The following SYNRG variants were observed in gnomAD, a reference collection of about 807,000 sequenced individuals.
SYNRG encodes synergin gamma.
SYNRG carries 37 observed loss-of-function variants against 130.9 expected under a neutral mutation model. The ratio of observed to expected loss-of-function variants is 0.28; its 90% CI spans 0.22 to 0.37. The LOEUF is 0.37. SYNRG is among the 10% of genes least tolerant of loss of function. The pLI, the probability that SYNRG is intolerant of heterozygous loss-of-function variation, is 1.00. For synonymous variants in SYNRG, 539 were observed against 568.1 expected (o/e 0.95, Z 0.73); for missense variants, 1,338 against 1,588.9 (o/e 0.84, Z 2.68).
chr17:37,520,090 C>G lies in SYNRG; in HGVS notation c.3813+89G>C. ...TGAAGGATTCATGATTGGAACAGTT[C>G]AGGATGGCAATGGATAGAATCATCC... On this transcript the variant is annotated intron_variant, in intron 21 of 21. Transcript: ENST00000612223. The G allele has an allele frequency of 3.5e-6, 5 of 1,410,508 alleles. No individual in the cohort carries two copies. The South Asian group carries it at 5.8e-5, about 16-fold the overall frequency. The allele number at this position is 1,410,508 out of a possible 1,614,324, so 87.4% of individuals were successfully genotyped here.
intron 19 of SYNRG, among the ~76,000 whole-genome samples, chr17:37,524,803 G>A (rs984072090): frequency 6.6e-6 from 1 of 152,158 alleles, no homozygotes; most frequent in Non-Finnish European, 1.5e-5. Context: ...TCACTTTGAC[G>A]AACTCTTAGC....
At chr17:37,568,649 T>C in intron 11 of SYNRG, 142 bp downstream of exon 11, 4 of 898,776 alleles carry the variant, frequency 4.5e-6, no homozygotes, top group Non-Finnish European at 6.5e-6. Context: ...AAAGTAAAAG[T>C]ATTAATACAG....
intron 6 of SYNRG, among the ~76,000 whole-genome samples, chr17:37,580,510 T>TGTGTGTGTGTGTGTGTGTGTGTGAGA (rs1384344164): frequency 1.6e-5 from 2 of 127,718 alleles, no homozygotes; most frequent in African/African-American, 7.3e-5. Context: ...TGTGTGTGTG[T>TGTGTGTGTGTGTGTGTGTGTGTGAGA]GAGAGAGAGA....
At chr17:37,598,524 A>G (rs575308230) in intron 2 of SYNRG, among the ~76,000 whole-genome samples, 17 of 152,364 alleles carry the variant, frequency 1.1e-4, no homozygotes, top group Non-Finnish European at 1.9e-4. Context: ...GATATCTGGC[A>G]TAATATTTCA....
In SYNRG at chr17:37,543,342, AAAAG is replaced by A. The variant is rs373999480; in HGVS notation, c.2609-781_2609-778del. ...TTTTTTAAAAAAAAAGGAAAGAAGA[AAAAG>A]AAAGAACTGCTGGGGCAGACGACTG... On this transcript the variant is annotated intron_variant, in intron 14 of 21. Coordinates refer to ENST00000612223, the MANE Select transcript of SYNRG (RefSeq NM_007247.6). Among the ~76,000 whole-genome samples, 148 of 152,308 alleles carry A rather than the reference AAAAG, an allele frequency of 9.7e-4. No individual in the cohort carries two copies. The Middle Eastern group carries it at 0.01, about 11-fold the overall frequency.
rs2060186524 is a variant in SYNRG, at chr17:37,568,727, C to T, written c.1481+64G>A. ...TTTAAATTTCTCACACCTAGCCTTC[C>T]TATTATGGATGCCTCTTTCTTAATG... On this transcript the variant is annotated intron_variant, in intron 11 of 21. Coordinates refer to ENST00000612223, the MANE Select transcript of SYNRG (RefSeq NM_007247.6). 7 of 1,563,806 alleles carry T rather than the reference C, an allele frequency of 4.5e-6. No homozygotes were observed. The Admixed American group carries it at 7.4e-5, about 16-fold the overall frequency.
At chr17:37,546,814 G>C (rs1351276715) in intron 14 of SYNRG, among the ~76,000 whole-genome samples, 1 of 152,140 alleles carries the variant, frequency 6.6e-6, no homozygotes, top group Admixed American at 6.5e-5. Context: ...ATTGGACTAA[G>C]ATATATATTT....
rs879223613 is a variant in SYNRG at position 37,535,928 on chromosome 17, A to G, written c.3666+51T>C. The G allele has an allele frequency of 4.4e-6, 7 of 1,607,670 alleles. No individual in the cohort carries two copies. In the South Asian group the frequency reaches 6.6e-5, roughly 15 times the overall value. ...ATAGGAATATACACTCTGCTTTACAACTTAGGTTTCTGGAAAGGAAAGCAA... is the reference window on the plus strand; with the variant it reads ...ATAGGAATATACACTCTGCTTTACAGCTTAGGTTTCTGGAAAGGAAAGCAA... On this transcript the variant is annotated intron_variant, in intron 19 of 21. Coordinates refer to ENST00000612223, the MANE Select transcript of SYNRG (RefSeq NM_007247.6).
At chr17:37,538,621 A>ACTTTGCTTT (rs1322701848) in intron 17 of SYNRG, among the ~76,000 whole-genome samples, 1 of 152,246 alleles carries the variant, frequency 6.6e-6, no homozygotes, top group Non-Finnish European at 1.5e-5. Context: ...TTTGAGACGG[A>ACTTTGCTTT]GTCTCGCTCT....
At chr17:37,538,936 A>C in intron 17 of SYNRG, 13 of 691,316 alleles carry the variant, frequency 1.9e-5, no homozygotes, top group Non-Finnish European at 2.1e-5. Flanking sequence ...ATTTAGTCAG[A>C]GTTAATGAAA....
chr17:37,604,265 A>G (rs1446420992), intron 1 of SYNRG, among the ~76,000 whole-genome samples: 1 of 151,106 alleles, frequency 6.6e-6, no homozygotes, highest in African/African-American at 2.4e-5. Flanking sequence ...AAGAAAATCT[A>G]TTGTTTAGCG....
chr17:37,572,449 A>C (rs1185525317), intron 8 of SYNRG, among the ~76,000 whole-genome samples: 2 of 152,176 alleles, frequency 1.3e-5, no homozygotes, highest in Admixed American at 6.5e-5. Context: ...AAAGAAAAAA[A>C]AATTTGAGAT....
At chr17:37,588,562 C>T (rs2061883743) in intron 3 of SYNRG, among the ~76,000 whole-genome samples, 2 of 152,198 alleles carry the variant, frequency 1.3e-5, no homozygotes, top group South Asian at 4.1e-4. Flanking sequence ...CACGCCCAGC[C>T]AGCTTGGAAT....
intron 14 of SYNRG, among the ~76,000 whole-genome samples, chr17:37,546,559 C>A (rs974856445): frequency 1.3e-5 from 2 of 152,198 alleles, no homozygotes; most frequent in African/African-American, 4.8e-5. Flanking sequence ...TCTTCCATAA[C>A]CTCTATTCAA....
intron 8 of SYNRG, 28 bp downstream of exon 8, chr17:37,576,313 G>A (rs749444451): frequency 1.2e-6 from 2 of 1,602,026 alleles, no homozygotes; most frequent in East Asian, 4.5e-5. Flanking sequence ...TATCCAGATG[G>A]GAATCCTGGG....
At chr17:37,532,533 C>T (rs12939852) in intron 19 of SYNRG, among the ~76,000 whole-genome samples, 33,385 of 151,768 alleles carry the variant, frequency 0.22, 3,782 homozygotes, top group Admixed American at 0.33. Context: ...ACTAGCTGGG[C>T]GTGGTGGCAC....
rs145585186 is a variant in SYNRG, at chr17:37,541,298, G to A, written c.3202+674C>T. ...TAAAGCAGAAGAGGCAAACTCAAAT[G>A]CCTTCAGAGACCAGGCAAGTAAAGT... On this transcript the variant is annotated intron_variant, in intron 15 of 21. Transcript: ENST00000612223. 9,084 of 974,862 alleles carry A rather than the reference G, an allele frequency of 9.3e-3. 55 individuals carry two copies. The highest frequency in any genetic ancestry group is 0.015 in the Middle Eastern group (29 of 1,900). The allele number at this position is 974,862 out of a possible 1,614,324, so 60.4% of individuals were successfully genotyped here.
chr17:37,518,850 C>T lies in SYNRG; in HGVS notation c.*90G>A. The T allele has an allele frequency of 6.6e-7, 1 of 1,522,500 alleles. No individual in the cohort carries two copies. Among genetic ancestry groups the T allele is most frequent in the South Asian group, 1.3e-5 (1 of 77,862 alleles). The allele number at this position is 1,522,500 out of a possible 1,614,324, so 94.3% of individuals were successfully genotyped here. On this transcript the variant is annotated 3_prime_UTR_variant, in exon 22 of 22. Coordinates refer to ENST00000612223, the MANE Select transcript of SYNRG (RefSeq NM_007247.6). ...CTTCATATCGATTCAGGGAAGCGAA[C>T]TGTGCAGTGCTCGCATTCTATTTAT...
chr17:37,546,651 G>T (rs1238536980), intron 14 of SYNRG, among the ~76,000 whole-genome samples: 1 of 152,178 alleles, frequency 6.6e-6, no homozygotes, highest in Non-Finnish European at 1.5e-5. Context: ...GACACAGACG[G>T]CCAAGCTCAT....
Sources: gnomAD v4.1 joint callset for allele counts (sites outside exome capture counted in the v4.1 genomes callset) on GRCh38, gnomAD v4.1.1 for gene constraint, MANE v1.5 for transcripts, NCBI Gene and HGNC (gene_info 2026-07-23, HGNC 2026-07-21) for gene names.